The following TMEM163 variants were observed in gnomAD, a reference collection of about 807,000 sequenced individuals.
TMEM163 encodes transmembrane protein 163.
A neutral mutation model predicts 29.3 loss-of-function variants in TMEM163; 17 were observed. The observed-to-expected ratio is 0.58, with a 90% CI of 0.40 to 0.87. The LOEUF (loss-of-function observed/expected upper bound fraction) is 0.87, where lower values mean the gene tolerates loss of function less well. Ranked by LOEUF, TMEM163 falls within the 40% of genes least tolerant of loss-of-function variation. TMEM163 has a pLI of 0.00. For missense variants in TMEM163, 303 were observed against 381.5 expected (o/e 0.79, Z 1.71); for synonymous variants, 157 against 160.6 (o/e 0.98, Z 0.17).
At chr2:134,647,597 T>G (rs1439320277) in intron 2 of TMEM163, among the ~76,000 whole-genome samples, 5 of 152,192 alleles carry the variant, frequency 3.3e-5, no homozygotes, top group African/African-American at 1.2e-4. Flanking sequence ...TTACATTCCC[T>G]ACACACCACA....
intron 5 of TMEM163, among the ~76,000 whole-genome samples, chr2:134,487,585 T>C (rs952366942): frequency 1.3e-5 from 2 of 152,222 alleles, no homozygotes; most frequent in African/African-American, 4.8e-5. Flanking sequence ...TAATGCAATG[T>C]TAGTCAAAAC....
At chr2:134,604,838 C>A (rs1335042342) in intron 2 of TMEM163, among the ~76,000 whole-genome samples, 1 of 152,142 alleles carries the variant, frequency 6.6e-6, no homozygotes, top group African/African-American at 2.4e-5. Flanking sequence ...TACCTATTAT[C>A]ATATCTAAAT....
At chr2:134,516,895 T>A (rs1680082958) in intron 4 of TMEM163, among the ~76,000 whole-genome samples, 1 of 151,572 alleles carries the variant, frequency 6.6e-6, no homozygotes, top group African/African-American at 2.4e-5. Flanking sequence ...GACTAGAGAT[T>A]TACCAAGCAC....
At chr2:134,535,269 AAC>A (rs368488266) in intron 4 of TMEM163, among the ~76,000 whole-genome samples, 83 of 151,932 alleles carry the variant, frequency 5.5e-4, no homozygotes, top group African/African-American at 1.9e-3. Context: ...TCTCACTGAA[AAC>A]ACACACACAC....
At chr2:134,500,328 C>T (rs1679670187) in intron 5 of TMEM163, among the ~76,000 whole-genome samples, 1 of 152,328 alleles carries the variant, frequency 6.6e-6, no homozygotes, top group Non-Finnish European at 1.5e-5. Flanking sequence ...GCCAAGGGAA[C>T]CAGAAGACCC....
In TMEM163 at chr2:134,505,239, CTTT is replaced by C. The variant is rs78772358; in HGVS notation, c.459-2245_459-2243del. 4.2e-3 allele frequency among the ~76,000 whole-genome samples: 543 copies of C among 130,194 alleles called. 4 individuals carry two copies. Among genetic ancestry groups the C allele is most frequent in the African/African-American group, 0.012 (407 of 33,286 alleles). The allele number at this position is 130,194 out of a possible 152,430, so 85.4% of individuals were successfully genotyped here. The stretch of plus-strand genomic sequence containing the variant: ...CACATTGTACTCACCTGGGGAATTC[CTTT>C]TTTTTTTTTTTTTTTTTTTAAAGTT... On this transcript the variant is annotated intron_variant, in intron 4 of 7. Transcript: ENST00000281924.
chr2:134,592,464 A>C (rs1558956772), intron 2 of TMEM163, among the ~76,000 whole-genome samples: 1 of 152,212 alleles, frequency 6.6e-6, no homozygotes, highest in Non-Finnish European at 1.5e-5. Flanking sequence ...AAGTGATACT[A>C]TACCAGAGTC....
At chr2:134,566,516 T>A (rs1681304157) in intron 2 of TMEM163, among the ~76,000 whole-genome samples, 1 of 152,008 alleles carries the variant, frequency 6.6e-6, no homozygotes, top group South Asian at 2.1e-4. Context: ...TAAGCCAAGA[T>A]CATGCCACCG....
At chr2:134,688,767 T>A (rs1449286085) in intron 2 of TMEM163, among the ~76,000 whole-genome samples, 1 of 152,188 alleles carries the variant, frequency 6.6e-6, no homozygotes, top group Non-Finnish European at 1.5e-5. Context: ...ACAGATTATC[T>A]TCCTTTCAGG....
At chr2:134,599,549 C>G (rs1682175865) in intron 2 of TMEM163, among the ~76,000 whole-genome samples, 1 of 152,246 alleles carries the variant, frequency 6.6e-6, no homozygotes, top group South Asian at 2.1e-4. Context: ...TCTAGGACTT[C>G]CAGTCTCCAG....
chr2:134,650,332 A>C (rs993681667), intron 2 of TMEM163, among the ~76,000 whole-genome samples: 8 of 152,100 alleles, frequency 5.3e-5, no homozygotes, highest in African/African-American at 1.9e-4. Context: ...TTGTATCTTC[A>C]ATTAAATAAG....
At chr2:134,644,703 G>A (rs1683296298) in intron 2 of TMEM163, among the ~76,000 whole-genome samples, 1 of 152,066 alleles carries the variant, frequency 6.6e-6, no homozygotes, top group African/African-American at 2.4e-5. Flanking sequence ...GGGATCTGAA[G>A]TTAGGCAAAG....
chr2:134,495,376 C>T (rs909003248), intron 5 of TMEM163, among the ~76,000 whole-genome samples: 2 of 152,212 alleles, frequency 1.3e-5, no homozygotes, highest in African/African-American at 4.8e-5. Flanking sequence ...GCACGCTGTA[C>T]TGTAGACAAG....
intron 4 of TMEM163, among the ~76,000 whole-genome samples, chr2:134,511,458 A>G (rs916283365): frequency 7.2e-5 from 11 of 152,218 alleles, no homozygotes; most frequent in Admixed American, 2.0e-4. Context: ...ACGCAACCTG[A>G]CTCACATTCA....
intron 2 of TMEM163, among the ~76,000 whole-genome samples, chr2:134,624,954 C>A (rs1341251030): frequency 6.6e-6 from 1 of 151,972 alleles, no homozygotes; most frequent in Non-Finnish European, 1.5e-5. Flanking sequence ...AATTTATCTT[C>A]AAAATGTCCA....
At chr2:134,567,663 C>A (rs142896975) in intron 2 of TMEM163, among the ~76,000 whole-genome samples, 144 of 152,214 alleles carry the variant, frequency 9.5e-4, no homozygotes, top group African/African-American at 3.4e-3. Flanking sequence ...TGCACTCTAG[C>A]CTAAGCAACA....
At chr2:134,620,552 C>T (rs1034473572) in intron 2 of TMEM163, among the ~76,000 whole-genome samples, 17 of 152,180 alleles carry the variant, frequency 1.1e-4, no homozygotes, top group South Asian at 6.2e-4. Context: ...GCACCACACC[C>T]GGCTACACTA....
chr2:134,531,545 T>G (rs76576048), intron 4 of TMEM163, among the ~76,000 whole-genome samples: 4,366 of 152,278 alleles, frequency 0.029, 192 homozygotes, highest in East Asian at 0.14. Context: ...AGGGTTCCCA[T>G]GACCCATTCT....
intron 2 of TMEM163, among the ~76,000 whole-genome samples, chr2:134,697,377 C>G (rs1325124720): frequency 6.6e-6 from 1 of 152,086 alleles, no homozygotes; most frequent in African/African-American, 2.4e-5. Flanking sequence ...ATCAGCAATT[C>G]CCAGCCTGGT....
Sources: allele counts gnomAD v4.1 joint callset (sites outside exome capture counted in the v4.1 genomes callset), GRCh38; gene constraint gnomAD v4.1.1; transcripts MANE v1.5; gene names NCBI Gene and HGNC (gene_info 2026-07-23, HGNC 2026-07-21).